The following TBXAS1 variants were observed in gnomAD, a reference collection of about 807,000 sequenced individuals.
The protein encoded by TBXAS1 is thromboxane A synthase 1.
In TBXAS1, 48 loss-of-function variants were observed where a neutral mutation model predicts 60.7. The observed-to-expected ratio is 0.79, with a 90% CI of 0.63 to 1.01. The LOEUF (loss-of-function observed/expected upper bound fraction) is 1.01. TBXAS1 is among the 50% of genes least tolerant of loss of function. The pLI, the probability that TBXAS1 is intolerant of heterozygous loss-of-function variation, is 0.00. For synonymous variants in TBXAS1, 287 were observed against 269.7 expected (o/e 1.06, Z -0.63); for missense variants, 685 against 686.3 (o/e 1.00, Z 0.02).
chr7:139,782,504 C>T (rs1797035592), intron 2 of TBXAS1: 1 of 151,608 alleles, frequency 6.6e-6, no homozygotes, highest in Non-Finnish European at 1.5e-5. Context: ...AACTGCACAA[C>T]ATCACAATAT....
At chr7:139,957,414 G>C (rs1809950196) in intron 7 of TBXAS1, among the ~76,000 whole-genome samples, 1 of 152,148 alleles carries the variant, frequency 6.6e-6, no homozygotes, top group Non-Finnish European at 1.5e-5. Flanking sequence ...TAATTGCACA[G>C]ATGTTTATTG....
At chr7:139,839,356 C>T (rs183023109) in intron 1 of TBXAS1, among the ~76,000 whole-genome samples, 8 of 152,254 alleles carry the variant, frequency 5.3e-5, no homozygotes, top group African/African-American at 1.9e-4. Flanking sequence ...GGACTGTAGT[C>T]TAATTATTTC....
upstream of TBXAS1, among the ~76,000 whole-genome samples, chr7:139,826,436 T>A (rs1003887924): frequency 6.6e-6 from 1 of 152,154 alleles, no homozygotes; most frequent in Non-Finnish European, 1.5e-5. Flanking sequence ...ATAATTTTCA[T>A]AATACGTCTG....
intron 4 of TBXAS1, among the ~76,000 whole-genome samples, chr7:139,924,450 T>C (rs1466436734): frequency 6.6e-6 from 1 of 151,138 alleles, no homozygotes; most frequent in East Asian, 1.9e-4. Context: ...TTGTATGTCT[T>C]TTTTTTTTAA....
At chr7:140,011,000 G>A (rs1263026585) in intron 10 of TBXAS1, among the ~76,000 whole-genome samples, 8 of 151,090 alleles carry the variant, frequency 5.3e-5, no homozygotes, top group African/African-American at 1.7e-4. Flanking sequence ...AGTCCCGGCC[G>A]GGTGTAGTGG....
At chr7:139,788,495 G>C (rs1473436222) in intron 4 of TBXAS1, among the ~76,000 whole-genome samples, 2 of 152,182 alleles carry the variant, frequency 1.3e-5, no homozygotes, top group Admixed American at 1.3e-4. Context: ...TGTTACATGA[G>C]TAAGTCCAGA....
At chr7:139,995,695 G>A (rs1200295670) in intron 9 of TBXAS1, among the ~76,000 whole-genome samples, 2 of 152,324 alleles carry the variant, frequency 1.3e-5, no homozygotes, top group Middle Eastern at 3.4e-3. Context: ...CCTGCCCCAC[G>A]TGGAGTCAGA....
intron 4 of TBXAS1, among the ~76,000 whole-genome samples, chr7:139,931,281 G>A (rs1321716385): frequency 2.0e-5 from 3 of 152,092 alleles, no homozygotes; most frequent in Non-Finnish European, 4.4e-5. Context: ...TTGCAGTCTG[G>A]AAGCCCTTGA....
chr7:139,950,705 C>T (rs141229050), intron 5 of TBXAS1, among the ~76,000 whole-genome samples: 20,301 of 120,100 alleles, frequency 0.17, 129 homozygotes, highest in East Asian at 0.27. Flanking sequence ...ATCTACGGGA[C>T]CCCCTCGCCC....
intron 9 of TBXAS1, among the ~76,000 whole-genome samples, chr7:139,985,511 T>C (rs749331555): frequency 6.6e-6 from 1 of 151,762 alleles, no homozygotes; most frequent in Non-Finnish European, 1.5e-5. Flanking sequence ...TCTAAATTTA[T>C]CTCAATTATT....
At chr7:139,928,137 T>A (rs1343973290) in intron 4 of TBXAS1, among the ~76,000 whole-genome samples, 1 of 152,208 alleles carries the variant, frequency 6.6e-6, no homozygotes, top group African/African-American at 2.4e-5. Flanking sequence ...TTTGTAAATG[T>A]CATTTTTAGG....
At chr7:139,927,918 T>A (rs1807019762) in intron 4 of TBXAS1, among the ~76,000 whole-genome samples, 1 of 152,194 alleles carries the variant, frequency 6.6e-6, no homozygotes. Flanking sequence ...ATTTCTCAAA[T>A]TTTCTATGTT....
At chr7:139,863,384 G>A (rs1801107721) in intron 1 of TBXAS1, among the ~76,000 whole-genome samples, 1 of 151,996 alleles carries the variant, frequency 6.6e-6, no homozygotes, top group Non-Finnish European at 1.5e-5. Context: ...TTCCAGAGGG[G>A]TAAAGATTAT....
intron 4 of TBXAS1, among the ~76,000 whole-genome samples, chr7:139,802,990 G>A (rs1241384142): frequency 6.6e-6 from 1 of 152,124 alleles, no homozygotes; most frequent in Non-Finnish European, 1.5e-5. Context: ...CCAGTCTCTG[G>A]TATTTCTTCA....
intron 3 of TBXAS1, 29 bp from the exon 4 acceptor site, chr7:139,911,196 C>A (rs779494234): frequency 6.3e-7 from 1 of 1,594,888 alleles, no homozygotes; most frequent in Non-Finnish European, 8.6e-7. Flanking sequence ...TAATGCAACA[C>A]ATTTTAATGC....
At chr7:139,984,046 A>G (rs1812152744) in intron 9 of TBXAS1, among the ~76,000 whole-genome samples, 1 of 152,148 alleles carries the variant, frequency 6.6e-6, no homozygotes, top group South Asian at 2.1e-4. Flanking sequence ...CGACCCTGTG[A>G]TGAAGTAGGA....
At chr7:139,995,518 G>C (rs1417248157) in intron 9 of TBXAS1, among the ~76,000 whole-genome samples, 1 of 152,172 alleles carries the variant, frequency 6.6e-6, no homozygotes, top group Non-Finnish European at 1.5e-5. Context: ...CATCAGACCG[G>C]TCCAGAGGTG....
At chr7:139,898,412 G>GTTTTTTTTT (rs1804276616) in intron 3 of TBXAS1, among the ~76,000 whole-genome samples, 1 of 114,380 alleles carries the variant, frequency 8.7e-6, no homozygotes, top group African/African-American at 3.9e-5. Context: ...AACGTGCATG[G>GTTTTTTTTT]CTTTTTTTTT....
intron 1 of TBXAS1, among the ~76,000 whole-genome samples, chr7:139,868,165 C>G (rs1392308311): frequency 6.6e-6 from 1 of 152,208 alleles, no homozygotes; most frequent in Non-Finnish European, 1.5e-5. Context: ...TAATTCACAT[C>G]AAAGGAAACC....
Sources: gnomAD v4.1 joint callset for allele counts (sites outside exome capture counted in the v4.1 genomes callset) on GRCh38, gnomAD v4.1.1 for gene constraint, MANE v1.5 for transcripts, NCBI Gene and HGNC (gene_info 2026-07-23, HGNC 2026-07-21) for gene names.